Variants in ADGRG6 observed in about 807,000 individuals in gnomAD.
ADGRG6 encodes the protein G-protein coupled receptor 126.
ADGRG6 carries 84 observed loss-of-function variants against 142.4 expected under a neutral mutation model. The observed-to-expected ratio is 0.59, with a 90% confidence interval of 0.49 to 0.71. The LOEUF is 0.71. ADGRG6 is among the 30% of genes least tolerant of loss of function. ADGRG6 has a pLI of 0.00. For synonymous variants in ADGRG6, 521 were observed against 520.5 expected (o/e 1.00, Z -0.01); for missense variants, 1,367 against 1,466.6 (o/e 0.93, Z 1.11).
Position 142,419,862 on chromosome 6 carries a change from CT to C in ADGRG6, c.3078del (p.Tyr1028IlefsTer8), listed in dbSNP as rs1562382404. 1.2e-6 allele frequency: 2 copies of C among 1,612,130 alleles called. No individual in the cohort carries two copies. The highest frequency in any genetic ancestry group is 1.7e-6 in the Non-Finnish European group (2 of 1,178,562). Reference protein sequence around the residue: ...QDPVIFYVTCAGYFGVMFFLN... With the variant: ...QDPVIFYVTCXGYFGVMFFLN... ...CCAGTCATATTTTATGTGACCTGTG[CT>C]GGGTATTTTGGAGTCATGTTTTTTC... On this transcript the variant is annotated frameshift_variant, in exon 22 of 25. Transcript: ENST00000367609. LOFTEE classifies it high-confidence loss of function.
chr6:142,394,935 T>G (rs1328796684), intron 9 of ADGRG6, among the ~76,000 whole-genome samples: 1 of 152,096 alleles, frequency 6.6e-6, no homozygotes, highest in Non-Finnish European at 1.5e-5. Context: ...AGCAAAAGTT[T>G]CTATAAGTCT....
In ADGRG6 at chr6:142,330,059, A is replaced by G. The variant is rs57193022; in HGVS notation, c.103+20415A>G. Among the ~76,000 whole-genome samples the G allele has an allele frequency of 5.5e-4, 80 of 146,582 alleles. 2 individuals are homozygous for G. In the East Asian group the frequency reaches 0.015, roughly 28 times the overall value. On this transcript the variant is annotated intron_variant, in intron 2 of 24. Coordinates refer to ENST00000367609, the MANE Select transcript of ADGRG6 (RefSeq NM_198569.3). ...AAGAAATTTTTCATTTGCCACTGCA[A>G]TTTTTTTTTTTTGCCACTGCAATTT... is the stretch of plus-strand genomic sequence containing the variant.
intron 2 of ADGRG6, among the ~76,000 whole-genome samples, chr6:142,357,258 A>G (rs1442955491): frequency 6.6e-6 from 1 of 152,182 alleles, no homozygotes; most frequent in Non-Finnish European, 1.5e-5. Flanking sequence ...TCTCATTCAT[A>G]CATACATACT....
chr6:142,318,326 A>ATATATATTTATAT lies in ADGRG6; in HGVS notation c.103+8696_103+8708dup, dbSNP rs941637158. ...TATTTATATTATATATTTATATATT[A>ATATATATTTATAT]TATATATTTATATTATATATTTATA... On this transcript the variant is annotated intron_variant, in intron 2 of 24. Coordinates refer to ENST00000367609, the MANE Select transcript of ADGRG6 (RefSeq NM_198569.3). Among the ~76,000 whole-genome samples the ATATATATTTATAT allele has an allele frequency of 1.2e-3, 113 of 91,376 alleles. 6 individuals are homozygous for ATATATATTTATAT. Among genetic ancestry groups the ATATATATTTATAT allele is most frequent in the African/African-American group, 5.3e-3 (108 of 20,378 alleles). 59.9% of individuals were successfully genotyped at this position (91,376 alleles called of 152,430 possible).
intron 2 of ADGRG6, among the ~76,000 whole-genome samples, chr6:142,362,450 T>C (rs1780769269): frequency 6.6e-6 from 1 of 152,050 alleles, no homozygotes; most frequent in South Asian, 2.1e-4. Flanking sequence ...TGGTAGGGGA[T>C]TGGAATGACC....
intron 20 of ADGRG6, 32 bp downstream of exon 20, chr6:142,416,096 T>G (rs1242297571): frequency 1.3e-6 from 2 of 1,552,064 alleles, no homozygotes; most frequent in Non-Finnish European, 1.8e-6. Flanking sequence ...TGGTTTTGTT[T>G]TTCCCTCATG....
chr6:142,397,725 A>G lies in ADGRG6; in HGVS notation c.1537A>G (p.Arg513Gly), dbSNP rs369516962. Residue 513 changes from arginine to glycine, a missense_variant, in exon 10 of 25, where the codon AGG becomes GGG. This residue lies in a region of ADGRG6 where 737 missense variants were observed against 746.5 expected (regional missense o/e 0.99). Transcript: ENST00000367609. ...TAATGAGTCCTTGGATGAAGGCTTG[A>G]GGCTACATACAGTGAATGTGAGACA... ...KNNESLDEGL[R>G]LHTVNVRQLG... is the part of the protein sequence containing the mutation. 1.9e-6 allele frequency: 3 copies of G among 1,603,174 alleles called. No homozygotes were observed. The highest frequency in any genetic ancestry group is 1.7e-5 in the Admixed American group (1 of 57,686).
chr6:142,432,576 CA>C (rs1367791544), intron 22 of ADGRG6, among the ~76,000 whole-genome samples: 1 of 151,992 alleles, frequency 6.6e-6, no homozygotes, highest in African/African-American at 2.4e-5. Flanking sequence ...CCAGTGTTTC[CA>C]AAAATTATTG....
chr6:142,362,072 C>CA (rs2114830859), intron 2 of ADGRG6, among the ~76,000 whole-genome samples: 1 of 152,272 alleles, frequency 6.6e-6, no homozygotes, highest in Non-Finnish European at 1.5e-5. Flanking sequence ...AGACAGAACT[C>CA]AAAGTTTAAA....
chr6:142,387,577 G>A (rs959989870), intron 6 of ADGRG6, among the ~76,000 whole-genome samples: 2 of 152,124 alleles, frequency 1.3e-5, no homozygotes, highest in African/African-American at 2.4e-5. Context: ...AAATAACCAG[G>A]TGTCTAGATT....
chr6:142,398,443 C>T lies in ADGRG6; in HGVS notation c.1567+688C>T, dbSNP rs539829472. Among the ~76,000 whole-genome samples, 52 of 152,164 alleles carry T rather than the reference C, an allele frequency of 3.4e-4. 1 individual carries two copies. The highest frequency in any genetic ancestry group is 3.3e-4 in the Admixed American group (5 of 15,280). On this transcript the variant is annotated intron_variant, in intron 10 of 24. Transcript: ENST00000367609. ...CTGTCTCAAAAAAACAAACAGAAAA[C>T]GTCTCCTTCTCTCATGTTCCCTGTC...
At chr6:142,432,042 G>A (rs2115166907) in intron 22 of ADGRG6, among the ~76,000 whole-genome samples, 1 of 152,198 alleles carries the variant, frequency 6.6e-6, no homozygotes, top group African/African-American at 2.4e-5. Flanking sequence ...AGATCTATAA[G>A]TAGATGGAGG....
intron 20 of ADGRG6, 88 bp downstream of exon 20, chr6:142,416,152 T>G (rs1220414915): frequency 1.1e-6 from 1 of 946,126 alleles, no homozygotes; most frequent in African/African-American, 1.7e-5. Context: ...TAAAAAAAAA[T>G]AGTACCATTA....
chr6:142,336,871 C>T (rs1017597307), intron 2 of ADGRG6, among the ~76,000 whole-genome samples: 7 of 152,172 alleles, frequency 4.6e-5, no homozygotes, highest in Non-Finnish European at 5.9e-5. Flanking sequence ...AATCTGTTTT[C>T]GAACCTGATA....
At chr6:142,389,886 A>G (rs181560528) in intron 6 of ADGRG6, among the ~76,000 whole-genome samples, 156 of 151,988 alleles carry the variant, frequency 1.0e-3, no homozygotes, top group Non-Finnish European at 7.5e-4. Context: ...ATCATTCTTT[A>G]TAATGCACAG....
chr6:142,430,849 T>G (rs1323984781), intron 22 of ADGRG6, among the ~76,000 whole-genome samples: 2 of 152,216 alleles, frequency 1.3e-5, no homozygotes, highest in African/African-American at 4.8e-5. Context: ...CTTGGCTGCT[T>G]ATTCACCATC....
chr6:142,333,486 A>G (rs1368057937), intron 2 of ADGRG6, among the ~76,000 whole-genome samples: 1 of 152,204 alleles, frequency 6.6e-6, no homozygotes, highest in African/African-American at 2.4e-5. Context: ...GTCAGGCAGA[A>G]TGGAGATGTA....
chr6:142,344,948 CA>C (rs1163471932), intron 2 of ADGRG6, among the ~76,000 whole-genome samples: 1 of 151,930 alleles, frequency 6.6e-6, no homozygotes, highest in Non-Finnish European at 1.5e-5. Flanking sequence ...ACTTCAAATA[CA>C]GAGTACTTCC....
chr6:142,389,485 T>G (rs187269042), intron 6 of ADGRG6, among the ~76,000 whole-genome samples: 1 of 151,978 alleles, frequency 6.6e-6, no homozygotes, highest in South Asian at 2.1e-4. Context: ...CATTTACAGC[T>G]ATTTAGCAAA....
Sources: gnomAD v4.1 joint callset for allele counts (sites outside exome capture counted in the v4.1 genomes callset) on GRCh38, gnomAD v4.1.1 for gene constraint, gnomAD v4.1.1 regional missense constraint, MANE v1.5 for transcripts, NCBI Gene and HGNC (gene_info 2026-07-23, HGNC 2026-07-21) for gene names.